Variants in OR2Z1 observed in about 807,000 individuals in gnomAD.
The protein encoded by OR2Z1 is olfactory receptor 2Z1.
For synonymous variants in OR2Z1, 188 were observed against 160.6 expected (o/e 1.17, Z -1.29); for missense variants, 449 against 401.8 (o/e 1.12, Z -1.00).
Position 8,731,567 on chromosome 19 carries a change from A to C in OR2Z1, c.539A>C (p.Glu180Ala). ...ASRIVDHFFC[E>A]VPALLKLSCA... ...CGTATTGTGGATCACTTCTTCTGTGAGGTGCCAGCCCTACTGAAGCTCTCC... is the reference window on the plus strand; with the variant it reads ...CGTATTGTGGATCACTTCTTCTGTGCGGTGCCAGCCCTACTGAAGCTCTCC... Residue 180 changes from glutamate to alanine, a missense_variant, in exon 3 of 3, where the codon GAG becomes GCG. Physicochemically the swap from Glu to Ala is moderately radical, Grantham distance 107. Transcript: ENST00000641125. 1 of 1,613,942 alleles carries C rather than the reference A, an allele frequency of 6.2e-7. No homozygotes were observed. The highest frequency in any genetic ancestry group is 8.5e-7 in the Non-Finnish European group (1 of 1,180,006).
chr19:8,724,220 A>G (rs1185306083), intron 2 of OR2Z1, among the ~76,000 whole-genome samples: 3 of 131,048 alleles, frequency 2.3e-5, no homozygotes, highest in African/African-American at 7.8e-5. Context: ...TAGAGGTATT[A>G]ATACCTATGG....
In OR2Z1 at chr19:8,721,829, A is replaced by G. The variant is rs2043309071; in HGVS notation, c.-428A>G. 6.6e-6 allele frequency: 1 copy of G among 152,390 alleles called. No homozygotes were observed. The highest frequency in any genetic ancestry group is 1.9e-4 in the East Asian group (1 of 5,186). The allele number at this position is 152,390 out of a possible 1,614,324, so 9.4% of individuals were successfully genotyped here. On this transcript the variant is annotated 5_prime_UTR_variant, in exon 1 of 3. It removes an upstream start codon present in the reference 5' UTR. Coordinates refer to ENST00000641125, the MANE Select transcript of OR2Z1 (RefSeq NM_001004699.3). ...CCGGGACTAGAACAACCCATCTGGC[A>G]TGGGCTGGAAGCACCTTCAGCTCAC...
At position 8,731,512 on chromosome 19, in the gene OR2Z1, A is replaced by G; in HGVS notation, c.484A>G (p.Ile162Val). ...GCTCAACGCCTCCATCCAGACCTCC[A>G]TCACCCTGCATTTTCCCTACTGTGC... ...GVLNASIQTS[I>V]TLHFPYCASR... The change falls in exon 3 of 3, where the codon ATC (isoleucine) becomes GTC (valine). Residue 162 changes from isoleucine (I) to valine (V), a missense_variant. Coordinates refer to ENST00000641125, the MANE Select transcript of OR2Z1 (RefSeq NM_001004699.3). 1 of 1,613,758 alleles carries G rather than the reference A, an allele frequency of 6.2e-7. No homozygotes were observed. Among genetic ancestry groups the G allele is most frequent in the South Asian group, 1.1e-5 (1 of 91,064 alleles).
chr19:8,724,006 GTGT>G (rs2043317510), intron 2 of OR2Z1, among the ~76,000 whole-genome samples: 1 of 120,524 alleles, frequency 8.3e-6, no homozygotes, highest in African/African-American at 5.1e-5. Context: ...GTGTGTGTGT[GTGT>G]GTATGTGTGT....
chr19:8,725,841 G>A (rs782184391), intron 2 of OR2Z1, among the ~76,000 whole-genome samples: 15 of 152,222 alleles, frequency 9.9e-5, no homozygotes, highest in Non-Finnish European at 1.6e-4. Flanking sequence ...TCTGTAGGCT[G>A]TACAGGACGT....
chr19:8,731,839 G>T lies in OR2Z1; in HGVS notation c.811G>T (p.Asp271Tyr). 6.2e-7 allele frequency: 1 copy of T among 1,614,190 alleles called. No individual in the cohort carries two copies. The highest frequency in any genetic ancestry group is 2.2e-5 in the East Asian group (1 of 44,876). ...TTGCGCCTACCACAGTCCACAGCAG[G>T]ATAACGTGGTTTCCCTCTTCTATAG... ...VPCAYHSPQQ[D>Y]NVVSLFYSLV... The change falls in exon 3 of 3, where the codon GAT becomes TAT. Residue 271 changes from aspartate to tyrosine, a missense_variant. By Grantham distance (160) the Asp-to-Tyr change is radical. Coordinates refer to ENST00000641125, the MANE Select transcript of OR2Z1 (RefSeq NM_001004699.3).
intron 2 of OR2Z1, among the ~76,000 whole-genome samples, chr19:8,724,039 C>T (rs1555755928): frequency 1.4e-5 from 2 of 147,784 alleles, no homozygotes; most frequent in African/African-American, 5.0e-5. Context: ...TGAAGCAAAT[C>T]TTGAATATCT....
intron 2 of OR2Z1, among the ~76,000 whole-genome samples, chr19:8,723,965 T>A (rs1209831172): frequency 9.4e-5 from 9 of 95,872 alleles, no homozygotes; most frequent in African/African-American, 4.1e-4. Context: ...AAGGGGAGTC[T>A]GTTTGTGTGT....
chr19:8,722,660 G>A (rs1186034688), intron 1 of OR2Z1, among the ~76,000 whole-genome samples: 2 of 152,152 alleles, frequency 1.3e-5, no homozygotes, highest in Non-Finnish European at 2.9e-5. Context: ...TGACTGTGGG[G>A]CAGCAGGTGA....
In OR2Z1 at chr19:8,731,207, A is replaced by G. The variant is rs1439717194; in HGVS notation, c.179A>G (p.Tyr60Cys). ...GACTCCCGGCTCCACACACCCATGT[A>G]CTTCCTGCTCAGCCAGCTCTCCCTG... ...RVDSRLHTPMYFLLSQLSLFD... is the reference protein window; with the variant it reads ...RVDSRLHTPMCFLLSQLSLFD... Residue 60 changes from tyrosine to cysteine, a missense_variant, in exon 3 of 3, where the codon TAC becomes TGC. By Grantham distance (194) the Tyr-to-Cys change is radical. Transcript: ENST00000641125. The G allele has an allele frequency of 2.5e-6, 4 of 1,613,824 alleles. No individual in the cohort carries two copies. The African/African-American group carries it at 5.3e-5, about 22-fold the overall frequency.
intron 2 of OR2Z1, among the ~76,000 whole-genome samples, chr19:8,728,293 T>C (rs561811530): frequency 6.6e-6 from 1 of 152,326 alleles, no homozygotes; most frequent in East Asian, 1.9e-4. Context: ...CTCTTCCTGG[T>C]TCTTGGCCAT....
At chr19:8,727,534 C>A (rs1451642382) in intron 2 of OR2Z1, among the ~76,000 whole-genome samples, 1 of 152,050 alleles carries the variant, frequency 6.6e-6, no homozygotes, top group African/African-American at 2.4e-5. Context: ...TGCACATGTA[C>A]CCTAAAACTT....
In OR2Z1 at chr19:8,731,967, G is replaced by A. The variant is rs978099228; in HGVS notation, c.939G>A (p.Met313Ile). Residue 313 changes from methionine to isoleucine, a missense_variant, in exon 3 of 3, where the codon ATG becomes ATA. Physicochemically the swap from Met to Ile is conservative, Grantham distance 10. Transcript: ENST00000641125. ...KVLSRAGLRQMC is the reference protein window; with the variant it reads ...KVLSRAGLRQIC ...TTAGCAGAGCTGGACTCAGGCAAAT[G>A]TGCTGACTACATAGAAACTGCTGGT... 1 of 1,611,160 alleles carries A rather than the reference G, an allele frequency of 6.2e-7. No homozygotes were observed. The highest frequency in any genetic ancestry group is 8.5e-7 in the Non-Finnish European group (1 of 1,177,888).
rs114399690 is a variant in OR2Z1, at chr19:8,728,932, C to T, written c.-169-1928C>T. The T allele has an allele frequency of 2.6e-4, 177 of 669,282 alleles. No individual in the cohort carries two copies. The African/African-American group carries it at 2.9e-3, about 11-fold the overall frequency. 41.5% of individuals were successfully genotyped at this position (669,282 alleles called of 1,614,324 possible). A position where few individuals can be genotyped will look rare whatever the true frequency, so the allele number is the denominator to read the frequency against. ...ACAATGAACGAAAGTGTGTCATTGTCTTCTATCTTCTTGATGGTGGACTCA... is the reference window on the plus strand; with the variant it reads ...ACAATGAACGAAAGTGTGTCATTGTTTTCTATCTTCTTGATGGTGGACTCA... On this transcript the variant is annotated intron_variant, in intron 2 of 2. Coordinates refer to ENST00000641125, the MANE Select transcript of OR2Z1 (RefSeq NM_001004699.3).
rs1599209300 is a variant in OR2Z1, at chr19:8,729,275, C to A, written c.-169-1585C>A. 8.6e-6 allele frequency: 5 copies of A among 580,092 alleles called. No individual in the cohort carries two copies. The East Asian group carries it at 1.6e-4, about 19-fold the overall frequency. 35.9% of individuals were successfully genotyped at this position (580,092 alleles called of 1,614,324 possible). ...TCTGAAGTCCCCAGTGTCTGCTGTTCCCCTATTTATATTCCTGCGTACCCA... is the reference window on the plus strand; with the variant it reads ...TCTGAAGTCCCCAGTGTCTGCTGTTACCCTATTTATATTCCTGCGTACCCA... On this transcript the variant is annotated intron_variant, in intron 2 of 2. Coordinates refer to ENST00000641125, the MANE Select transcript of OR2Z1 (RefSeq NM_001004699.3).
chr19:8,723,196 A>C (rs2145074419), intron 2 of OR2Z1, 46 bp downstream of exon 2: 1 of 152,276 alleles, frequency 6.6e-6, no homozygotes, highest in Middle Eastern at 3.4e-3. Flanking sequence ...TTCTGCCTGC[A>C]ATCATGTTTT....
chr19:8,728,799 G>A, intron 2 of OR2Z1: 1 of 631,512 alleles, frequency 1.6e-6, no homozygotes, highest in South Asian at 1.4e-5. Context: ...TCGAACATAT[G>A]CCTTCTTCTC....
intron 2 of OR2Z1, among the ~76,000 whole-genome samples, chr19:8,730,509 A>G (rs889295813): frequency 6.6e-6 from 1 of 151,124 alleles, no homozygotes; most frequent in Admixed American, 6.6e-5. Context: ...AACCTCCACC[A>G]CCCGGGTTCA....
intron 2 of OR2Z1, among the ~76,000 whole-genome samples, chr19:8,724,977 C>G (rs543803774): frequency 6.6e-6 from 1 of 152,144 alleles, no homozygotes; most frequent in East Asian, 1.9e-4. Context: ...CTGGAACAAC[C>G]TTCCCTCTTC....
Sources: gnomAD v4.1 joint callset for allele counts (sites outside exome capture counted in the v4.1 genomes callset) on GRCh38, gnomAD v4.1.1 for gene constraint, MANE v1.5 for transcripts, NCBI Gene and HGNC (gene_info 2026-07-23, HGNC 2026-07-21) for gene names.